NPC1: variants seen among roughly 807,000 people sequenced by gnomAD.
NPC1 encodes Niemann-Pick C1 protein.
NPC1 carries 85 observed loss-of-function variants against 140.4 expected under a neutral mutation model. That is an observed-to-expected ratio of 0.61 (90% CI 0.51 to 0.72). The LOEUF (loss-of-function observed/expected upper bound fraction) is 0.72, where lower values mean the gene tolerates loss of function less well. NPC1 is among the 30% of genes least tolerant of loss of function. NPC1 has a pLI of 0.00. For synonymous variants in NPC1, 656 were observed against 624.8 expected (o/e 1.05, Z -0.74); for missense variants, 1,504 against 1,623.8 (o/e 0.93, Z 1.27).
chr18:23,529,745 C>T (rs2058429840), downstream of NPC1: 3 of 1,567,514 alleles, frequency 1.9e-6, no homozygotes, highest in South Asian at 1.1e-5. Context: ...CAAGTTAAAA[C>T]AGAAGGAATT....
Position 23,539,713 on chromosome 18 carries a change from G to C in NPC1, c.2795+98C>G. ...TTTTGCATAAAAACAACTTTTCCAAGAAAGTCTATTTTCAGTGAGACATTT... is the reference window on the plus strand; with the variant it reads ...TTTTGCATAAAAACAACTTTTCCAACAAAGTCTATTTTCAGTGAGACATTT... On this transcript the variant is annotated intron_variant, in intron 18 of 24. Transcript: ENST00000269228. The C allele has an allele frequency of 2.2e-6, 3 of 1,375,656 alleles. No individual in the cohort carries two copies. The South Asian group carries it at 3.6e-5, about 16-fold the overall frequency. The allele number at this position is 1,375,656 out of a possible 1,614,324, so 85.2% of individuals were successfully genotyped here. A position where few individuals can be genotyped will look rare whatever the true frequency, so the allele number is the denominator to read the frequency against.
chr18:23,575,183 GACAA>G (rs2059257147), intron 1 of NPC1, among the ~76,000 whole-genome samples: 1 of 152,236 alleles, frequency 6.6e-6, no homozygotes, highest in Non-Finnish European at 1.5e-5. Flanking sequence ...GCTCTGGCCT[GACAA>G]ACAGGACGGG....
intron 3 of NPC1, chr18:23,507,864 G>C: frequency 1.3e-6 from 1 of 777,144 alleles, no homozygotes; most frequent in Non-Finnish European, 1.8e-6. Flanking sequence ...GTTGTCTTCA[G>C]TTATTTTCTG....
intron 1 of NPC1, among the ~76,000 whole-genome samples, chr18:23,580,200 G>A (rs1331465256): frequency 2.0e-5 from 3 of 152,010 alleles, no homozygotes; most frequent in African/African-American, 7.2e-5. Context: ...AGTGAACTCA[G>A]GCTCAAAGAT....
chr18:23,541,891 C>T (rs1310028503), intron 14 of NPC1, among the ~76,000 whole-genome samples: 1 of 152,212 alleles, frequency 6.6e-6, no homozygotes, highest in African/African-American at 2.4e-5. Flanking sequence ...GACTTGGAAA[C>T]TGCAAACTGG....
chr18:23,561,964 T>A (rs909398764), intron 4 of NPC1, among the ~76,000 whole-genome samples: 26 of 152,188 alleles, frequency 1.7e-4, no homozygotes, highest in African/African-American at 6.3e-4. Flanking sequence ...CTTGGAAAAC[T>A]GGTTTTAGAG....
At chr18:23,525,448 C>T (rs1341606069), downstream of NPC1, among the ~76,000 whole-genome samples, 2 of 151,824 alleles carry the variant, frequency 1.3e-5, no homozygotes, top group African/African-American at 4.8e-5. Flanking sequence ...TATTTTGAGA[C>T]GGAATCTCGC....
intron 1 of NPC1, among the ~76,000 whole-genome samples, chr18:23,523,552 A>AAAG (rs1187471808): frequency 1.8e-5 from 2 of 112,574 alleles, no homozygotes; most frequent in East Asian, 4.0e-4. Flanking sequence ...ACAAAAAAAA[A>AAAG]AAAAAAAAAA....
intron 1 of NPC1, chr18:23,576,572 A>C (rs1049939129): frequency 4.4e-5 from 39 of 894,844 alleles, no homozygotes; most frequent in Non-Finnish European, 5.2e-5. Flanking sequence ...CACTGACTTC[A>C]AGAATGAAGC....
At chr18:23,555,325 G>C (rs565010125) in intron 8 of NPC1, among the ~76,000 whole-genome samples, 16 of 152,350 alleles carry the variant, frequency 1.1e-4, no homozygotes, top group African/African-American at 3.8e-4. Context: ...GGGGACTCCT[G>C]GTCTCCCTGA....
At chr18:23,539,762 T>C (rs753665075) in intron 18 of NPC1, 49 bp downstream of exon 18, 2 of 1,585,018 alleles carry the variant, frequency 1.3e-6, no homozygotes, top group Admixed American at 1.7e-5. Context: ...ACTGCCTGGC[T>C]GAGAGCCTCC....
chr18:23,524,011 C>A, intron 1 of NPC1: 1 of 1,143,034 alleles, frequency 8.7e-7, no homozygotes, highest in Non-Finnish European at 1.3e-6. Flanking sequence ...TCTTCCTTGA[C>A]TACAATTGAA....
At chr18:23,576,436 C>T in intron 1 of NPC1, 3 of 984,470 alleles carry the variant, frequency 3.0e-6, no homozygotes, top group Non-Finnish European at 3.6e-6. Flanking sequence ...AAAAAGTCAT[C>T]CTGCCGAAAG....
intron 1 of NPC1, among the ~76,000 whole-genome samples, chr18:23,574,347 G>C (rs2059244730): frequency 6.6e-6 from 1 of 152,102 alleles, no homozygotes; most frequent in African/African-American, 2.4e-5. Flanking sequence ...AGAGGGCCCA[G>C]CTTGCCAGGG....
At chr18:23,579,596 A>ACCTTCT (rs2059332916) in intron 1 of NPC1, among the ~76,000 whole-genome samples, 1 of 152,318 alleles carries the variant, frequency 6.6e-6, no homozygotes, top group East Asian at 1.9e-4. Flanking sequence ...AGGTTAAAAA[A>ACCTTCT]AAGCCCCTTC....
chr18:23,524,983 G>A (rs1156766862), downstream of NPC1, among the ~76,000 whole-genome samples: 4 of 117,524 alleles, frequency 3.4e-5, no homozygotes, highest in South Asian at 5.1e-4. Flanking sequence ...AGTTTTGCTC[G>A]TTGCCCAGGC....
intron 3 of NPC1, among the ~76,000 whole-genome samples, chr18:23,569,870 A>G (rs75044046): frequency 0.021 from 3,232 of 152,286 alleles, 112 homozygotes; most frequent in African/African-American, 0.074. Flanking sequence ...TTAAGCTCCT[A>G]ATGTTGACTT....
At chr18:23,520,951 C>T (rs1365773834), downstream of NPC1, among the ~76,000 whole-genome samples, 2 of 152,212 alleles carry the variant, frequency 1.3e-5, no homozygotes, top group African/African-American at 4.8e-5. Context: ...CTTCTGGCCT[C>T]AAGTGATCTG....
At chr18:23,534,381 C>G in intron 23 of NPC1, 65 bp downstream of exon 23, 2 of 1,086,578 alleles carry the variant, frequency 1.8e-6, no homozygotes, top group South Asian at 2.5e-5. Context: ...CCAGACTCTT[C>G]AGTCACTGAG....
Sources: allele counts gnomAD v4.1 joint callset (sites outside exome capture counted in the v4.1 genomes callset), GRCh38; gene constraint gnomAD v4.1.1; transcripts MANE v1.5; gene names NCBI Gene and HGNC (gene_info 2026-07-23, HGNC 2026-07-21).